The following NUDT5 variants were observed in gnomAD, a reference collection of about 807,000 sequenced individuals.
NUDT5 encodes nudix hydrolase 5.
NUDT5 carries 21 observed loss-of-function variants against 34.1 expected under a neutral mutation model. The observed-to-expected ratio is 0.62, with a 90% CI of 0.44 to 0.89. The LOEUF is 0.89. Ranked by LOEUF, NUDT5 falls within the 40% of genes least tolerant of loss-of-function variation. The pLI is 0.00. For missense variants in NUDT5, 249 were observed against 274.8 expected (o/e 0.91, Z 0.66); for synonymous variants, 85 against 97.6 (o/e 0.87, Z 0.76).
At position 12,173,884 on chromosome 10, in the gene NUDT5, T is replaced by G. The variant is rs1588655910; in HGVS notation, c.290-71A>C. 12 of 803,992 alleles carry G rather than the reference T, an allele frequency of 1.5e-5. No individual in the cohort carries two copies. The East Asian group carries it at 3.5e-4, about 24-fold the overall frequency. The allele number at this position is 803,992 out of a possible 1,614,324, so 49.8% of individuals were successfully genotyped here. On this transcript the variant is annotated intron_variant, in intron 5 of 9. Coordinates refer to ENST00000491614, the MANE Select transcript of NUDT5 (RefSeq NM_014142.4). This position sits in a 1 kb window ranked among gnomAD's most constrained non-coding sequence, Gnocchi z 4.7. The stretch of plus-strand genomic sequence containing the variant: ...CTTTAAACCCTCCTTTTTTTTTTTT[T>G]GAGATGGAGTCTCACTCTGTCGCCC...
At chr10:12,180,360 G>A (rs757067887) in intron 3 of NUDT5, 1 of 152,154 alleles carries the variant, frequency 6.6e-6, no homozygotes, top group African/African-American at 2.4e-5. Flanking sequence ...AGCAATGCTG[G>A]TAAGTAAATC....
intron 1 of NUDT5, among the ~76,000 whole-genome samples, chr10:12,186,618 CTTTT>C (rs201888699): frequency 2.5e-5 from 3 of 120,330 alleles, no homozygotes; most frequent in Admixed American, 1.7e-4. Flanking sequence ...TCAGATTTTT[CTTTT>C]TTTTTTTTTC....
Position 12,170,860 on chromosome 10 carries a change from A to G in NUDT5, c.496+40T>C, listed in dbSNP as rs1162663715. ...TGTCTGCAGCCATCACCACTACACTAAGTCATACACGCTCGGCCACCAGGA... is the reference window on the plus strand; with the variant it reads ...TGTCTGCAGCCATCACCACTACACTGAGTCATACACGCTCGGCCACCAGGA... On this transcript the variant is annotated intron_variant, in intron 8 of 9. Transcript: ENST00000491614. The surrounding 1 kb of genome is among the most constrained non-coding windows in gnomAD (Gnocchi z 4.9). The G allele has an allele frequency of 1.2e-6, 2 of 1,613,684 alleles. No individual in the cohort carries two copies. Among genetic ancestry groups the G allele is most frequent in the Admixed American group, 1.7e-5 (1 of 59,994 alleles).
Position 12,170,780 on chromosome 10 carries a change from CAAAGT to C in NUDT5, c.497-15_497-11del. The C allele has an allele frequency of 2.5e-6, 4 of 1,614,088 alleles. No individual in the cohort carries two copies. Among genetic ancestry groups the C allele is most frequent in the Non-Finnish European group, 3.4e-6 (4 of 1,179,964 alleles). On this transcript the variant is annotated splice_polypyrimidine_tract_variant and intron_variant, in intron 8 of 9. Transcript: ENST00000491614. The surrounding 1 kb of genome is among the most constrained non-coding windows in gnomAD (Gnocchi z 4.9). ...ATGACTTCCACAAACTCTAAACAGA[CAAAGT>C]GCAAGTGAAAACAAAGCTAACGTCA...
Position 12,173,862 on chromosome 10 carries a change from T to C in NUDT5, c.290-49A>G, listed in dbSNP as rs571948591. ...GATGGGAGCGGGAAATCCGGTTCTT[T>C]AAACCCTCCTTTTTTTTTTTTTGAG... On this transcript the variant is annotated intron_variant, in intron 5 of 9. Coordinates refer to ENST00000491614, the MANE Select transcript of NUDT5 (RefSeq NM_014142.4). This position sits in a 1 kb window ranked among gnomAD's most constrained non-coding sequence, Gnocchi z 4.7. 125 of 1,314,564 alleles carry C rather than the reference T, an allele frequency of 9.5e-5. 1 individual carries two copies. In the South Asian group the frequency reaches 1.3e-3, roughly 14 times the overall value. The allele number at this position is 1,314,564 out of a possible 1,614,324, so 81.4% of individuals were successfully genotyped here.
chr10:12,194,823 A>C (rs1835302315), intron 1 of NUDT5, among the ~76,000 whole-genome samples: 1 of 152,220 alleles, frequency 6.6e-6, no homozygotes. Context: ...GCCTCGCGCA[A>C]GCCTAAAGCT....
chr10:12,170,096 TCTC>T lies in NUDT5; in HGVS notation c.550+618_550+620del. The T allele has an allele frequency of 1.2e-6, 2 of 1,610,202 alleles. No individual in the cohort carries two copies. The highest frequency in any genetic ancestry group is 8.5e-7 in the Non-Finnish European group (1 of 1,177,520). On this transcript the variant is annotated intron_variant, in intron 9 of 9. Coordinates refer to ENST00000491614, the MANE Select transcript of NUDT5 (RefSeq NM_014142.4). The surrounding 1 kb of genome is among the most constrained non-coding windows in gnomAD (Gnocchi z 4.9). The stretch of plus-strand genomic sequence containing the variant: ...TATCTCCTCATGTCTCCATACAGTA[TCTC>T]CTCTCGTGGTTTTATCAAAGGACTT...
At chr10:12,189,807 A>G (rs189241039) in intron 1 of NUDT5, among the ~76,000 whole-genome samples, 1 of 152,286 alleles carries the variant, frequency 6.6e-6, no homozygotes, top group East Asian at 1.9e-4. Context: ...TATCCACTTC[A>G]TTAGTTAGAA....
At chr10:12,193,929 T>C (rs1835283236) in intron 1 of NUDT5, among the ~76,000 whole-genome samples, 1 of 150,896 alleles carries the variant, frequency 6.6e-6, no homozygotes, top group African/African-American at 2.4e-5. Flanking sequence ...CAGGCTGGAG[T>C]GCAGTGGCGC....
chr10:12,168,014 A>C lies in NUDT5; in HGVS notation c.551-203T>G. ...TACATTCCTAGCATGAGACAAGAAC[A>C]TCAGGGATAATGATTTTTTTTTTTT... On this transcript the variant is annotated intron_variant, in intron 9 of 9. Transcript: ENST00000491614. The surrounding 1 kb of genome is among the most constrained non-coding windows in gnomAD (Gnocchi z 4.8). The C allele has an allele frequency of 3.1e-6, 3 of 976,228 alleles. No homozygotes were observed. The highest frequency in any genetic ancestry group is 2.7e-6 in the Non-Finnish European group (2 of 732,810). The allele number at this position is 976,228 out of a possible 1,614,324, so 60.5% of individuals were successfully genotyped here.
At chr10:12,184,594 T>G in intron 3 of NUDT5, 2 of 1,416,100 alleles carry the variant, frequency 1.4e-6, no homozygotes, top group Admixed American at 4.3e-5. Context: ...TTAATTATTC[T>G]GTCACCTTAT....
In NUDT5 at chr10:12,184,527, T is replaced by G. The variant is rs550174872; in HGVS notation, c.131+362A>C. 4.5e-5 allele frequency: 69 copies of G among 1,542,614 alleles called. No individual in the cohort carries two copies. In the African/African-American group the frequency reaches 8.2e-4, roughly 18 times the overall value. On this transcript the variant is annotated intron_variant, in intron 3 of 9. Coordinates refer to ENST00000491614, the MANE Select transcript of NUDT5 (RefSeq NM_014142.4). The stretch of plus-strand genomic sequence containing the variant: ...TAGCAATGTTGTTGTTTTCTCTTTA[T>G]TTCTTCTAATTTAGAAATTAAAAAC...
rs550439777 is a variant in NUDT5, at chr10:12,171,659, A to G, written c.488-751T>C. ...AACTTTTCCACAGTGTCTCATATGTATATGTGCAGTTCAAAAATTAAGATT... is the reference window on the plus strand; with the variant it reads ...AACTTTTCCACAGTGTCTCATATGTGTATGTGCAGTTCAAAAATTAAGATT... On this transcript the variant is annotated intron_variant, in intron 7 of 9. Coordinates refer to ENST00000491614, the MANE Select transcript of NUDT5 (RefSeq NM_014142.4). The surrounding 1 kb of genome is among the most constrained non-coding windows in gnomAD (Gnocchi z 4.2). 5.3e-5 allele frequency among the ~76,000 whole-genome samples: 8 copies of G among 152,082 alleles called. No homozygotes were observed. Among genetic ancestry groups the G allele is most frequent in the Non-Finnish European group, 8.8e-5 (6 of 67,982 alleles).
At chr10:12,179,158 G>C (rs769983705) in intron 3 of NUDT5, 26 bp from the exon 4 acceptor site, 6 of 1,601,202 alleles carry the variant, frequency 3.7e-6, no homozygotes, top group Non-Finnish European at 5.1e-6. Flanking sequence ...AGAAAAAAAA[G>C]TCATTAGTGC....
rs1834793666 is a variant in NUDT5 at position 12,169,296 on chromosome 10, G to A, written c.550+1421C>T. On this transcript the variant is annotated intron_variant, in intron 9 of 9. Transcript: ENST00000491614. This position sits in a 1 kb window ranked among gnomAD's most constrained non-coding sequence, Gnocchi z 4.8. The stretch of plus-strand genomic sequence containing the variant: ...TTAAGAAGGTGGAAGGGAGAAGGAA[G>A]ACATTTTACAAAAAGGATACTCTTC... 1 of 1,555,246 alleles carries A rather than the reference G, an allele frequency of 6.4e-7. No homozygotes were observed. The highest frequency in any genetic ancestry group is 1.2e-5 in the South Asian group (1 of 83,928).
At position 12,167,826 on chromosome 10, in the gene NUDT5, G is replaced by T; in HGVS notation, c.551-15C>A. The T allele has an allele frequency of 1.9e-6, 3 of 1,613,014 alleles. No individual in the cohort carries two copies. Among genetic ancestry groups the T allele is most frequent in the Non-Finnish European group, 2.5e-6 (3 of 1,179,722 alleles). On this transcript the variant is annotated splice_polypyrimidine_tract_variant and intron_variant, in intron 9 of 9. Transcript: ENST00000491614. The stretch of plus-strand genomic sequence containing the variant: ...AGCTACCAGAGCTGTGGAAAGCAAA[G>T]AAAACAACTTAGATCATGCCGTTAA...
intron 3 of NUDT5, among the ~76,000 whole-genome samples, chr10:12,183,394 C>G (rs1835075058): frequency 6.6e-6 from 1 of 152,234 alleles, no homozygotes; most frequent in Non-Finnish European, 1.5e-5. Context: ...ATGTTTCCTA[C>G]AGCTCTCCCA....
At position 12,193,199 on chromosome 10, in the gene NUDT5, G is replaced by A. The variant is rs543107983; in HGVS notation, c.-42+2571C>T. On this transcript the variant is annotated intron_variant, in intron 1 of 9. Coordinates refer to ENST00000491614, the MANE Select transcript of NUDT5 (RefSeq NM_014142.4). ...ACAGGTCTGGAGTAGAGTGGTAGCC[G>A]TGGCAAAGTGACATTTAATTTCCAC... Among the ~76,000 whole-genome samples, 110 of 152,282 alleles carry A rather than the reference G, an allele frequency of 7.2e-4. 1 individual carries two copies. The South Asian group carries it at 0.01, about 14-fold the overall frequency.
intron 1 of NUDT5, among the ~76,000 whole-genome samples, chr10:12,194,568 T>C (rs1429396401): frequency 6.6e-6 from 1 of 152,252 alleles, no homozygotes; most frequent in Non-Finnish European, 1.5e-5. Flanking sequence ...ATGTATTCTT[T>C]AAAGCACTGC....
Sources: allele counts gnomAD v4.1 joint callset (sites outside exome capture counted in the v4.1 genomes callset), GRCh38; gene constraint gnomAD v4.1.1; non-coding constraint Gnocchi (gnomAD v3.1); transcripts MANE v1.5; gene names NCBI Gene and HGNC (gene_info 2026-07-23, HGNC 2026-07-21).